The following FOXO1 variants were observed in gnomAD, a reference collection of about 807,000 sequenced individuals.
FOXO1 encodes forkhead box O1.
In FOXO1, 6 loss-of-function variants were observed where a neutral mutation model predicts 44.1. That is an observed-to-expected ratio of 0.14 (90% confidence interval 0.07 to 0.27). The LOEUF is 0.27. Among genes scored for constraint, FOXO1 ranks in the 10% least tolerant of loss-of-function variants. The probability of loss-of-function intolerance (pLI) is 1.00; values close to 1 mark genes in which losing one functional copy is unlikely to be tolerated. For missense variants in FOXO1, 737 were observed against 888.8 expected, an observed-to-expected ratio of 0.83 and a Z score of 2.17; for synonymous variants, 380 against 362.7, an observed-to-expected ratio of 1.05 and a Z score of -0.54.
chr13:40,652,948 A>C (rs1321288470), intron 1 of FOXO1, among the ~76,000 whole-genome samples: 2 of 150,582 alleles, frequency 1.3e-5, no homozygotes, highest in East Asian at 3.9e-4. Flanking sequence ...TCCAAACTAA[A>C]TTTGAAATCT....
chr13:40,565,672 A>G (rs1874240497), intron 1 of FOXO1, among the ~76,000 whole-genome samples: 3 of 152,204 alleles, frequency 2.0e-5, no homozygotes, highest in Admixed American at 2.0e-4. Context: ...GTATCTGTTG[A>G]ACAGATTAGT....
At chr13:40,647,213 T>C (rs2137929222) in intron 1 of FOXO1, among the ~76,000 whole-genome samples, 1 of 152,168 alleles carries the variant, frequency 6.6e-6, no homozygotes, top group East Asian at 1.9e-4. Flanking sequence ...CTTCCCCTCA[T>C]CCTCCTTTAA....
rs954934367 is a variant in FOXO1, at chr13:40,666,379, C to T, written c.-167G>A. On this transcript the variant is annotated 5_prime_UTR_variant, in exon 1 of 3. Coordinates refer to ENST00000379561, the MANE Select transcript of FOXO1 (RefSeq NM_002015.4). ...AGGAAGGCGCGGCGGAGTGGAAGCG[C>T]GAGCCCAGAACTTAACTTCGCGGGG... The T allele has an allele frequency of 7.9e-6, 4 of 508,868 alleles. No homozygotes were observed. In the African/African-American group the frequency reaches 8.0e-5, roughly 10 times the overall value. 31.5% of individuals were successfully genotyped at this position (508,868 alleles called of 1,614,324 possible).
At position 40,665,559 on chromosome 13, in the gene FOXO1, C is replaced by T. The variant is rs777794541; in HGVS notation, c.630+24G>A. 53 of 1,361,862 alleles carry T rather than the reference C, an allele frequency of 3.9e-5. No homozygotes were observed. In the Admixed American group the frequency reaches 1.3e-3, roughly 32 times the overall value. 84.4% of individuals were successfully genotyped at this position (1,361,862 alleles called of 1,614,324 possible). A position where few individuals can be genotyped will look rare whatever the true frequency, so the allele number is the denominator to read the frequency against. ...CCTGACCCACCGCGCCCCCAAGGTC[C>T]GGCCGCGCGCCGAGTCCACTCACCT... On this transcript the variant is annotated intron_variant, in intron 1 of 2. Transcript: ENST00000379561.
chr13:40,580,262 C>G (rs1037834074), intron 1 of FOXO1, among the ~76,000 whole-genome samples: 1 of 152,182 alleles, frequency 6.6e-6, no homozygotes, highest in Non-Finnish European at 1.5e-5. Flanking sequence ...ACAACACACA[C>G]ACACCTGCAT....
intron 1 of FOXO1, among the ~76,000 whole-genome samples, chr13:40,660,784 A>T (rs1310809738): frequency 2.0e-5 from 3 of 152,038 alleles, no homozygotes; most frequent in African/African-American, 4.8e-5. Flanking sequence ...TTTGTCACTT[A>T]AAAAAAACTA....
chr13:40,628,770 T>A (rs1478447585), intron 1 of FOXO1, among the ~76,000 whole-genome samples: 1 of 152,138 alleles, frequency 6.6e-6, no homozygotes, highest in Non-Finnish European at 1.5e-5. Flanking sequence ...TGGGAATCAT[T>A]ACCTTCACAC....
At chr13:40,649,416 A>G (rs1425148003) in intron 1 of FOXO1, among the ~76,000 whole-genome samples, 2 of 152,218 alleles carry the variant, frequency 1.3e-5, no homozygotes, top group Admixed American at 1.3e-4. Context: ...GTTGTCAATC[A>G]TGACAGAATT....
chr13:40,658,121 T>C (rs960069829), intron 1 of FOXO1, among the ~76,000 whole-genome samples: 3 of 152,206 alleles, frequency 2.0e-5, no homozygotes, highest in Non-Finnish European at 4.4e-5. Flanking sequence ...AAAATTCCTC[T>C]GGGTAGGAGC....
chr13:40,558,989 T>C lies in FOXO1; in HGVS notation c.*60A>G, dbSNP rs1873870907. 1 of 398,478 alleles carries C rather than the reference T, an allele frequency of 2.5e-6. No individual in the cohort carries two copies. Among genetic ancestry groups the C allele is most frequent in the Non-Finnish European group, 4.4e-6 (1 of 225,962 alleles). The allele number at this position is 398,478 out of a possible 1,614,324, so 24.7% of individuals were successfully genotyped here. ...GTGAAAGACATCTTTGGACTGCTTCTCTCAGTTCCTGCTGTCAGACAATCT... is the reference window on the plus strand; with the variant it reads ...GTGAAAGACATCTTTGGACTGCTTCCCTCAGTTCCTGCTGTCAGACAATCT... On this transcript the variant is annotated 3_prime_UTR_variant, in exon 3 of 3. Coordinates refer to ENST00000379561, the MANE Select transcript of FOXO1 (RefSeq NM_002015.4).
rs767400829 is a variant in FOXO1 at position 40,560,079 on chromosome 13, G to A, written c.1412C>T (p.Pro471Leu). ...LLKELLTSDSPPHNDIMTPVD... is the reference protein window; with the variant it reads ...LLKELLTSDSLPHNDIMTPVD... ...TGGTGTCATAATGTCATTATGGGGA[G>A]GAGAGTCAGAAGTCAGCAACTCCTT... The change falls in exon 2 of 3, where the codon CCT (proline) becomes CTT (leucine). Residue 471 changes from proline to leucine, a missense_variant. Around this residue, in one of 7 missense-constraint regions of FOXO1, gnomAD observed 283 missense variants for 278.1 expected, o/e 1.02. Transcript: ENST00000379561. The surrounding 1 kb of genome is among the most constrained non-coding windows in gnomAD (Gnocchi z 5.1). The A allele has an allele frequency of 2.5e-6, 4 of 1,614,170 alleles. No individual in the cohort carries two copies. The highest frequency in any genetic ancestry group is 2.5e-6 in the Non-Finnish European group (3 of 1,180,030).
In FOXO1 at chr13:40,632,007, C is replaced by T. The variant is rs546343351; in HGVS notation, c.630+33576G>A. Reference sequence around the variant, plus strand: ...AAAAACCCAGCAGGGCATGGTGGCTCATGACTGTAATCCCAGCACTTTGGG... The same window carrying T: ...AAAAACCCAGCAGGGCATGGTGGCTTATGACTGTAATCCCAGCACTTTGGG... On this transcript the variant is annotated intron_variant, in intron 1 of 2. Transcript: ENST00000379561. Among the ~76,000 whole-genome samples, 6 of 152,342 alleles carry T rather than the reference C, an allele frequency of 3.9e-5. No individual in the cohort carries two copies. The East Asian group carries it at 5.8e-4, about 15-fold the overall frequency.
At chr13:40,567,313 T>C (rs955406015) in intron 1 of FOXO1, among the ~76,000 whole-genome samples, 2 of 152,132 alleles carry the variant, frequency 1.3e-5, no homozygotes, top group African/African-American at 2.4e-5. Flanking sequence ...TTTATATTTT[T>C]GTATTTATTT....
intron 1 of FOXO1, among the ~76,000 whole-genome samples, chr13:40,636,943 A>T (rs574595051): frequency 2.6e-5 from 4 of 152,308 alleles, no homozygotes; most frequent in African/African-American, 9.6e-5. Context: ...ACTGTTCTTT[A>T]GGCACCTTAC....
In FOXO1 at chr13:40,560,323, A is replaced by T; in HGVS notation, c.1168T>A (p.Ser390Thr). The T allele has an allele frequency of 6.2e-7, 1 of 1,614,170 alleles. No individual in the cohort carries two copies. The highest frequency in any genetic ancestry group is 8.5e-7 in the Non-Finnish European group (1 of 1,180,036). Residue 390 changes from serine to threonine, a missense_variant, in exon 2 of 3, where the codon TCG (serine) becomes ACG (threonine). Around this residue, in one of 7 missense-constraint regions of FOXO1, gnomAD observed 283 missense variants for 278.1 expected, o/e 1.02. Coordinates refer to ENST00000379561, the MANE Select transcript of FOXO1 (RefSeq NM_002015.4). This position sits in a 1 kb window ranked among gnomAD's most constrained non-coding sequence, Gnocchi z 5.1. Reference sequence around the variant, plus strand: ...ATGGTGCCAGGTGAGGACTGGGTCGAAACAGTTAATGATGTTGGTGATGAG... The same window carrying T: ...ATGGTGCCAGGTGAGGACTGGGTCGTAACAGTTAATGATGTTGGTGATGAG... ...LLSSPTSLTV[S>T]TQSSPGTMMQ... is the part of the protein sequence containing the mutation.
chr13:40,562,060 T>G (rs1466782797), intron 1 of FOXO1, among the ~76,000 whole-genome samples: 2 of 151,278 alleles, frequency 1.3e-5, no homozygotes, highest in Non-Finnish European at 1.5e-5. Context: ...CAAATACAAG[T>G]GAATGTAAGG....
Position 40,558,027 on chromosome 13 carries a change from T to C in FOXO1, c.*1022A>G, listed in dbSNP as rs1873825568. On this transcript the variant is annotated 3_prime_UTR_variant, in exon 3 of 3. Coordinates refer to ENST00000379561, the MANE Select transcript of FOXO1 (RefSeq NM_002015.4). ...TCCTGCCCAACCAGGGCCTGAAACG[T>C]TGAATATGCAAGTACTAATTACAAT... 6.6e-6 allele frequency: 1 copy of C among 152,668 alleles called. No individual in the cohort carries two copies. Among genetic ancestry groups the C allele is most frequent in the Non-Finnish European group, 1.5e-5 (1 of 68,044 alleles). The allele number at this position is 152,668 out of a possible 1,614,324, so 9.5% of individuals were successfully genotyped here. A position where few individuals can be genotyped will look rare whatever the true frequency, so the allele number is the denominator to read the frequency against.
chr13:40,630,641 C>A (rs1876931549), intron 1 of FOXO1, among the ~76,000 whole-genome samples: 1 of 146,506 alleles, frequency 6.8e-6, no homozygotes, highest in Admixed American at 6.8e-5. Flanking sequence ...GGCGTGGGAG[C>A]AAAACTTCTC....
intron 1 of FOXO1, among the ~76,000 whole-genome samples, chr13:40,644,775 C>T (rs1593412961): frequency 2.6e-5 from 4 of 152,304 alleles, no homozygotes; most frequent in Admixed American, 6.5e-5. Context: ...AGCGAAACCA[C>T]CCTGAGAATT....
Sources: allele counts gnomAD v4.1 joint callset (sites outside exome capture counted in the v4.1 genomes callset), GRCh38; gene constraint gnomAD v4.1.1; regional missense constraint gnomAD v4.1.1; non-coding constraint Gnocchi (gnomAD v3.1); transcripts MANE v1.5; gene names NCBI Gene and HGNC (gene_info 2026-07-23, HGNC 2026-07-21).